CCDC172: variants seen among roughly 807,000 people sequenced by gnomAD.
CCDC172 encodes the protein coiled-coil domain-containing protein 172.
In CCDC172, 30 loss-of-function variants were observed where a neutral mutation model predicts 38.0. The observed-to-expected ratio is 0.79, with a 90% CI of 0.59 to 1.07. The LOEUF (loss-of-function observed/expected upper bound fraction) is 1.07, where lower values mean the gene tolerates loss of function less well. Among genes scored for constraint, CCDC172 ranks in the 50% least tolerant of loss-of-function variants. CCDC172 has a pLI of 0.00. For missense variants in CCDC172, 297 were observed against 290.1 expected, an observed-to-expected ratio of 1.02 and a Z score of -0.17; for synonymous variants, 78 against 88.3, an observed-to-expected ratio of 0.88 and a Z score of 0.66.
At chr10:116,331,623 C>G (rs1026560810) in intron 3 of CCDC172, among the ~76,000 whole-genome samples, 1 of 152,052 alleles carries the variant, frequency 6.6e-6, no homozygotes, top group Non-Finnish European at 1.5e-5. Context: ...CTATTTTCCT[C>G]TGCCTTGAAT....
At chr10:116,371,122 C>G (rs1391190301) in intron 7 of CCDC172, among the ~76,000 whole-genome samples, 1 of 151,684 alleles carries the variant, frequency 6.6e-6, no homozygotes, top group African/African-American at 2.4e-5. Context: ...TATTCCTGAC[C>G]TTAAGGAGAT....
At chr10:116,361,989 C>A (rs1374975028) in intron 7 of CCDC172, among the ~76,000 whole-genome samples, 1 of 152,060 alleles carries the variant, frequency 6.6e-6, no homozygotes, top group Non-Finnish European at 1.5e-5. Flanking sequence ...GAGATTGAGA[C>A]CATCCTGGCT....
chr10:116,331,218 A>G (rs1464866638), intron 3 of CCDC172, among the ~76,000 whole-genome samples: 1 of 152,182 alleles, frequency 6.6e-6, no homozygotes, highest in Non-Finnish European at 1.5e-5. Context: ...TTTAATTTTG[A>G]TACAGAAAAT....
chr10:116,348,281 T>C (rs531640512), intron 5 of CCDC172, among the ~76,000 whole-genome samples: 10 of 152,268 alleles, frequency 6.6e-5, no homozygotes, highest in African/African-American at 1.9e-4. Flanking sequence ...TTTGTCTTCT[T>C]ACCTGTCAGT....
chr10:116,330,315 G>A (rs1844644576), intron 3 of CCDC172, among the ~76,000 whole-genome samples: 2 of 152,122 alleles, frequency 1.3e-5, no homozygotes, highest in African/African-American at 2.4e-5. Context: ...TAATGAATAT[G>A]AATGTTACTT....
intron 3 of CCDC172, among the ~76,000 whole-genome samples, chr10:116,326,573 A>G (rs1244931422): frequency 1.3e-5 from 2 of 152,188 alleles, no homozygotes; most frequent in African/African-American, 4.8e-5. Flanking sequence ...GTGTTGCTCA[A>G]ACATCACCAA....
At chr10:116,361,474 C>T (rs1022072564) in intron 7 of CCDC172, among the ~76,000 whole-genome samples, 2 of 152,034 alleles carry the variant, frequency 1.3e-5, no homozygotes, top group East Asian at 1.9e-4. Flanking sequence ...TTGTTTAATG[C>T]AATAGGAAGA....
At chr10:116,347,084 G>A (rs1480762355) in intron 5 of CCDC172, among the ~76,000 whole-genome samples, 1 of 149,030 alleles carries the variant, frequency 6.7e-6, no homozygotes, top group African/African-American at 2.4e-5. Flanking sequence ...CAATTAGATA[G>A]TTGTAATTTA....
intron 7 of CCDC172, among the ~76,000 whole-genome samples, chr10:116,370,581 G>A (rs1439591492): frequency 6.6e-6 from 1 of 150,644 alleles, no homozygotes; most frequent in Non-Finnish European, 1.5e-5. Flanking sequence ...TTATATGCCA[G>A]TACTGCAGTG....
intron 3 of CCDC172, among the ~76,000 whole-genome samples, chr10:116,337,987 G>C (rs1251376059): frequency 6.6e-6 from 1 of 152,174 alleles, no homozygotes; most frequent in Non-Finnish European, 1.5e-5. Context: ...CTACGAATAG[G>C]AGACTGTGAA....
At chr10:116,375,724 G>A (rs1845236749) in intron 7 of CCDC172, among the ~76,000 whole-genome samples, 1 of 152,106 alleles carries the variant, frequency 6.6e-6, no homozygotes, top group East Asian at 1.9e-4. Flanking sequence ...CCAAGGATAT[G>A]AACAGACACT....
chr10:116,346,395 C>T (rs937277149), intron 5 of CCDC172, among the ~76,000 whole-genome samples: 7 of 151,146 alleles, frequency 4.6e-5, no homozygotes, highest in Non-Finnish European at 2.9e-5. Context: ...TGATGCACTA[C>T]ATGGACCTAT....
intron 5 of CCDC172, among the ~76,000 whole-genome samples, chr10:116,346,748 G>A (rs371463854): frequency 6.6e-6 from 1 of 151,214 alleles, no homozygotes; most frequent in East Asian, 1.9e-4. Flanking sequence ...TAAAAGATTT[G>A]TTTTCAGAGT....
intron 5 of CCDC172, among the ~76,000 whole-genome samples, chr10:116,352,633 T>C (rs1738438442): frequency 1.3e-5 from 2 of 152,040 alleles, no homozygotes; most frequent in African/African-American, 4.8e-5. Context: ...ATAGAGGGCA[T>C]CTATAGAAAA....
chr10:116,366,686 T>C (rs1327053076), intron 7 of CCDC172, among the ~76,000 whole-genome samples: 2 of 152,198 alleles, frequency 1.3e-5, no homozygotes, highest in Admixed American at 6.5e-5. Context: ...TAGATGCCTG[T>C]TGGAATTGCT....
intron 5 of CCDC172, among the ~76,000 whole-genome samples, chr10:116,349,484 T>C (rs1457534599): frequency 6.6e-6 from 1 of 152,098 alleles, no homozygotes; most frequent in Non-Finnish European, 1.5e-5. Flanking sequence ...CCCTCCCAAT[T>C]CCATATTAGG....
rs1466520083 is a variant in CCDC172, at chr10:116,362,967, CG to C, written c.653+5031del. ...AAAGCAAATACAGAGGAAATTTTTACGGTAGACTCCATTGATTATTTTAAAA... is the reference window on the plus strand; with the variant it reads ...AAAGCAAATACAGAGGAAATTTTTACGTAGACTCCATTGATTATTTTAAAA... On this transcript the variant is annotated intron_variant, in intron 7 of 8. Transcript: ENST00000333254. Among the ~76,000 whole-genome samples the C allele has an allele frequency of 2.0e-5, 3 of 152,190 alleles. No homozygotes were observed. The East Asian group carries it at 5.8e-4, about 29-fold the overall frequency.
At chr10:116,370,084 T>C (rs754981486) in intron 7 of CCDC172, among the ~76,000 whole-genome samples, 26 of 151,960 alleles carry the variant, frequency 1.7e-4, no homozygotes, top group Non-Finnish European at 1.3e-4. Context: ...AATTTATTTA[T>C]ATATTATGGA....
At chr10:116,343,194 G>A (rs1027494163) in intron 5 of CCDC172, among the ~76,000 whole-genome samples, 2 of 152,082 alleles carry the variant, frequency 1.3e-5, no homozygotes, top group Admixed American at 6.6e-5. Context: ...AGGTTCAATT[G>A]CACATGAGGC....
Sources: gnomAD v4.1 joint callset for allele counts (sites outside exome capture counted in the v4.1 genomes callset) on GRCh38, gnomAD v4.1.1 for gene constraint, MANE v1.5 for transcripts, NCBI Gene and HGNC (gene_info 2026-07-23, HGNC 2026-07-21) for gene names.